The following SCHIP1 variants were observed in gnomAD, a reference collection of about 807,000 sequenced individuals.
SCHIP1 encodes schwannomin-interacting protein 1.
In SCHIP1, 8 loss-of-function variants were observed where a neutral mutation model predicts 29.7. That is an observed-to-expected ratio of 0.27 (90% CI 0.16 to 0.49). The LOEUF (loss-of-function observed/expected upper bound fraction) is 0.49, where lower values mean the gene tolerates loss of function less well. SCHIP1 is among the 20% of genes least tolerant of loss of function. The pLI, the probability that SCHIP1 is intolerant of heterozygous loss-of-function variation, is 0.99. For missense variants in SCHIP1, 193 were observed against 294.6 expected, an observed-to-expected ratio of 0.66 and a Z score of 2.52; for synonymous variants, 76 against 94.9, an observed-to-expected ratio of 0.80 and a Z score of 1.16.
chr3:159,462,158 G>A, the SCHIP1 span, among the ~76,000 whole-genome samples: 2 of 151,970 alleles, frequency 1.3e-5, no homozygotes, highest in Non-Finnish European at 2.9e-5. Flanking sequence ...GCAGTGAGCT[G>A]AGATCGCACC....
chr3:159,723,150 T>G, the SCHIP1 span, among the ~76,000 whole-genome samples: 1 of 152,216 alleles, frequency 6.6e-6, no homozygotes, highest in Admixed American at 6.5e-5. Context: ...TTCTTTTCAG[T>G]CCTCTTAGAG....
the SCHIP1 span, among the ~76,000 whole-genome samples, chr3:159,807,554 C>T: frequency 1.3e-5 from 2 of 152,096 alleles, no homozygotes; most frequent in Non-Finnish European, 2.9e-5. Flanking sequence ...ATTTTATCTT[C>T]AGTGGGTTTT....
the SCHIP1 span, among the ~76,000 whole-genome samples, chr3:159,425,268 C>T: frequency 3.9e-5 from 6 of 152,058 alleles, no homozygotes; most frequent in Admixed American, 6.5e-5. Flanking sequence ...AGAGTCAAGA[C>T]CCATCAATGT....
At chr3:159,795,976 G>A in the SCHIP1 span, among the ~76,000 whole-genome samples, 1 of 152,200 alleles carries the variant, frequency 6.6e-6, no homozygotes. Context: ...AAATCACTGA[G>A]GTTAGAGTTT....
chr3:159,377,349 C>CT, the SCHIP1 span, among the ~76,000 whole-genome samples: 1 of 152,220 alleles, frequency 6.6e-6, no homozygotes, highest in African/African-American at 2.4e-5. Flanking sequence ...CTTCCAAGTG[C>CT]TTTCTTCATG....
chr3:159,613,219 T>C, the SCHIP1 span, among the ~76,000 whole-genome samples: 2 of 152,194 alleles, frequency 1.3e-5, no homozygotes, highest in African/African-American at 2.4e-5. Context: ...AGATAGAATA[T>C]GAGAGACACC....
the SCHIP1 span, among the ~76,000 whole-genome samples, chr3:159,590,582 A>C: frequency 1.3e-5 from 2 of 151,408 alleles, no homozygotes; most frequent in Non-Finnish European, 2.9e-5. Flanking sequence ...TCTTGAAAAA[A>C]ATAAATAAAA....
the SCHIP1 span, among the ~76,000 whole-genome samples, chr3:159,288,786 G>T: frequency 6.6e-6 from 1 of 152,212 alleles, no homozygotes; most frequent in Non-Finnish European, 1.5e-5. Context: ...TTCAGCTCAT[G>T]AATGAAGCAA....
chr3:159,352,656 A>AT, the SCHIP1 span, among the ~76,000 whole-genome samples: 3 of 152,166 alleles, frequency 2.0e-5, no homozygotes, highest in Non-Finnish European at 4.4e-5. Flanking sequence ...AGGCTCTCTC[A>AT]TGCTACTCTT....
At chr3:159,285,617 T>A in the SCHIP1 span, among the ~76,000 whole-genome samples, 1 of 152,096 alleles carries the variant, frequency 6.6e-6, no homozygotes, top group Non-Finnish European at 1.5e-5. Flanking sequence ...CAATTATATT[T>A]TATTTTATTT....
intron 2 of SCHIP1, 122 bp from the exon 4 acceptor site, chr3:159,886,085 T>A: frequency 1.1e-6 from 1 of 937,512 alleles, no homozygotes; most frequent in Non-Finnish European, 1.6e-6. Flanking sequence ...TATTGGTTGC[T>A]CATTTCTCCA....
At chr3:159,296,813 A>G in the SCHIP1 span, among the ~76,000 whole-genome samples, 1 of 152,120 alleles carries the variant, frequency 6.6e-6, no homozygotes, top group East Asian at 1.9e-4. Context: ...ATCAAATTTC[A>G]AGCAAACAAT....
intron 1 of SCHIP1, among the ~76,000 whole-genome samples, chr3:159,846,360 T>C (rs1343493208): frequency 1.3e-5 from 2 of 152,210 alleles, no homozygotes; most frequent in South Asian, 2.1e-4. Context: ...TAGTATATCA[T>C]GATATTCTTA....
the SCHIP1 span, chr3:159,274,262 T>C: frequency 4.3e-5 from 42 of 985,398 alleles, no homozygotes; most frequent in Admixed American, 6.1e-5. Context: ...TGGAAAGTAG[T>C]TCCTGATTTG....
chr3:159,319,066 T>G, the SCHIP1 span, among the ~76,000 whole-genome samples: 2 of 152,184 alleles, frequency 1.3e-5, no homozygotes, highest in African/African-American at 4.8e-5. Flanking sequence ...ACCTCAGGCA[T>G]CATTGGATCT....
intron 1 of SCHIP1, among the ~76,000 whole-genome samples, chr3:159,848,471 A>C (rs1287387217): frequency 1.3e-5 from 2 of 152,148 alleles, no homozygotes; most frequent in Admixed American, 1.3e-4. Flanking sequence ...TGTGTTTTCC[A>C]TTCCTGTATT....
At chr3:159,389,076 G>A in the SCHIP1 span, among the ~76,000 whole-genome samples, 1 of 151,990 alleles carries the variant, frequency 6.6e-6, no homozygotes, top group East Asian at 1.9e-4. Flanking sequence ...GGGTGTGGGT[G>A]GGCGTGTGTG....
chr3:159,508,172 ACTT>A, the SCHIP1 span, among the ~76,000 whole-genome samples: 3 of 152,102 alleles, frequency 2.0e-5, no homozygotes, highest in Admixed American at 6.5e-5. Context: ...CAGAGATTCA[ACTT>A]CTTCTTGGTT....
At chr3:159,846,415 T>A (rs1193259973) in intron 1 of SCHIP1, among the ~76,000 whole-genome samples, 1 of 152,200 alleles carries the variant, frequency 6.6e-6, no homozygotes, top group Admixed American at 6.5e-5. Flanking sequence ...TATGCCCAGA[T>A]TCTAGTGGGT....
Sources: gnomAD v4.1 joint callset for allele counts (sites outside exome capture counted in the v4.1 genomes callset) on GRCh38, gnomAD v4.1.1 for gene constraint, MANE v1.5 for transcripts, NCBI Gene and HGNC (gene_info 2026-07-23, HGNC 2026-07-21) for gene names.